Variants in EPSTI1 observed in about 807,000 individuals in gnomAD.
EPSTI1 encodes epithelial stromal interaction 1.
Under a neutral mutation model 49.9 loss-of-function variants are expected in EPSTI1, and 66 were observed. The ratio of observed to expected loss-of-function variants is 1.32; its 90% CI spans 1.08 to 1.62. EPSTI1 has a LOEUF of 1.62. EPSTI1 is among the 40% of genes most tolerant of loss of function. The pLI, the probability that EPSTI1 is intolerant of heterozygous loss-of-function variation, is 0.00. For missense variants in EPSTI1, 394 were observed against 365.5 expected, an observed-to-expected ratio of 1.08 and a Z score of -0.64; for synonymous variants, 137 against 130.7, an observed-to-expected ratio of 1.05 and a Z score of -0.33.
chr13:42,966,740 G>GT (rs1566167001), intron 3 of EPSTI1, among the ~76,000 whole-genome samples: 2 of 90,092 alleles, frequency 2.2e-5, no homozygotes, highest in African/African-American at 3.4e-5. Flanking sequence ...GGGAGGTGAG[G>GT]GGCGCCTCCG....
At position 42,917,562 on chromosome 13, in the gene EPSTI1, C is replaced by A. The variant is rs1471725386; in HGVS notation, c.720G>T (p.Met240Ile). The change falls in exon 8 of 11, where the codon ATG becomes ATT. Residue 240 changes from methionine (M) to isoleucine (I), a missense_variant. Coordinates refer to ENST00000313624, the MANE Select transcript of EPSTI1 (RefSeq NM_033255.5). ...GTACCTTTTGATGTTGTTCATCCTT[C>A]ATCTTTTGCAATTTTCTGTTTTCTT... ...KAEENRKLQKMKDEQHQKSEL... is the reference protein window; with the variant it reads ...KAEENRKLQKIKDEQHQKSEL... The A allele has an allele frequency of 6.6e-7, 1 of 1,525,648 alleles. No individual in the cohort carries two copies. Among genetic ancestry groups the A allele is most frequent in the African/African-American group, 1.4e-5 (1 of 71,832 alleles). The allele number at this position is 1,525,648 out of a possible 1,614,324, so 94.5% of individuals were successfully genotyped here. A position where few individuals can be genotyped will look rare whatever the true frequency, so the allele number is the denominator to read the frequency against.
chr13:42,898,016 T>C (rs1328184866), intron 9 of EPSTI1, among the ~76,000 whole-genome samples: 2 of 152,180 alleles, frequency 1.3e-5, no homozygotes, highest in African/African-American at 4.8e-5. Context: ...CCCAAATCCT[T>C]TCAAGTCCTT....
intron 1 of EPSTI1, among the ~76,000 whole-genome samples, chr13:42,971,152 T>C (rs1594751453): frequency 6.6e-6 from 1 of 152,238 alleles, no homozygotes; most frequent in South Asian, 2.1e-4. Context: ...TCTAGGCCTA[T>C]GTCCACTGGT....
At chr13:42,969,220 C>T (rs1443732245) in intron 2 of EPSTI1, 43 bp from the exon 3 acceptor site, 1 of 1,589,488 alleles carries the variant, frequency 6.3e-7, no homozygotes, top group East Asian at 2.2e-5. Context: ...TATTAGACTT[C>T]TAAAAGAAAA....
At chr13:42,969,700 T>G (rs75378584) in intron 2 of EPSTI1, 15,763 of 153,944 alleles carry the variant, frequency 0.1, 1,067 homozygotes, top group East Asian at 0.24. Context: ...TCCAGACCAC[T>G]GTGCAGAGTC....
intron 8 of EPSTI1, among the ~76,000 whole-genome samples, chr13:42,907,143 A>T (rs1333310082): frequency 6.6e-6 from 1 of 152,208 alleles, no homozygotes. Context: ...ATTTTAACAG[A>T]GAGAGAAATA....
At chr13:42,958,272 A>G (rs1006855391) in intron 5 of EPSTI1, among the ~76,000 whole-genome samples, 6 of 152,178 alleles carry the variant, frequency 3.9e-5, no homozygotes, top group Non-Finnish European at 8.8e-5. Context: ...TCTTTGGTTC[A>G]GGTGATTGTC....
intron 6 of EPSTI1, among the ~76,000 whole-genome samples, chr13:42,931,491 C>T (rs994217870): frequency 3.9e-5 from 6 of 152,200 alleles, no homozygotes; most frequent in Non-Finnish European, 8.8e-5. Context: ...AGGCGTGAGC[C>T]ACCGCGCCCG....
Position 42,968,954 on chromosome 13 carries a change from A to ACACACAC in EPSTI1, c.331+139_331+140insGTGTGTG, listed in dbSNP as rs5803160. 2.2e-3 allele frequency: 1,196 copies of ACACACAC among 540,280 alleles called. 83 individuals are homozygous for ACACACAC. Among genetic ancestry groups the ACACACAC allele is most frequent in the African/African-American group, 0.011 (514 of 46,030 alleles). The allele number at this position is 540,280 out of a possible 1,614,324, so 33.5% of individuals were successfully genotyped here. On this transcript the variant is annotated intron_variant, in intron 3 of 10. Transcript: ENST00000313624. ...CACACACACACACACACACACACACAATTAAATGCATTCCACCCAAGCAGC... is the reference window on the plus strand; with the variant it reads ...CACACACACACACACACACACACACACACACACATTAAATGCATTCCACCCAAGCAGC...
At chr13:42,907,313 T>C (rs910646263) in intron 8 of EPSTI1, among the ~76,000 whole-genome samples, 4 of 152,236 alleles carry the variant, frequency 2.6e-5, no homozygotes, top group Non-Finnish European at 4.4e-5. Context: ...ATTTCTATTA[T>C]GTTATTAAAA....
chr13:42,908,033 T>C (rs145052150), intron 8 of EPSTI1, among the ~76,000 whole-genome samples: 1 of 152,332 alleles, frequency 6.6e-6, no homozygotes, highest in East Asian at 1.9e-4. Flanking sequence ...GAAAACTGAA[T>C]ATCCACATGC....
intron 8 of EPSTI1, among the ~76,000 whole-genome samples, chr13:42,911,785 C>A (rs982147088): frequency 2.0e-5 from 3 of 152,110 alleles, no homozygotes; most frequent in Admixed American, 2.0e-4. Context: ...ACAGCTGTTT[C>A]TTAGAGTTTT....
chr13:42,970,955 G>C (rs1180054964), intron 1 of EPSTI1, among the ~76,000 whole-genome samples: 4 of 152,186 alleles, frequency 2.6e-5, no homozygotes, highest in African/African-American at 9.7e-5. Flanking sequence ...GTTCCTCTAG[G>C]TGGTGCTTGT....
At chr13:42,897,742 C>G (rs2037235838) in intron 9 of EPSTI1, among the ~76,000 whole-genome samples, 1 of 152,152 alleles carries the variant, frequency 6.6e-6, no homozygotes, top group Admixed American at 6.5e-5. Context: ...CCTCAACTTG[C>G]CTATGTCCAC....
At chr13:42,956,135 C>T (rs371825256) in intron 5 of EPSTI1, among the ~76,000 whole-genome samples, 3 of 152,158 alleles carry the variant, frequency 2.0e-5, no homozygotes, top group East Asian at 3.8e-4. Flanking sequence ...AGAAAAAGCA[C>T]TTATATGGAT....
At chr13:42,899,161 G>A (rs1299537757) in intron 9 of EPSTI1, among the ~76,000 whole-genome samples, 1 of 149,634 alleles carries the variant, frequency 6.7e-6, no homozygotes, top group Non-Finnish European at 1.5e-5. Context: ...TCCTGCCACC[G>A]CACTCCCACC....
chr13:42,942,277 A>T (rs1417527619), intron 6 of EPSTI1, among the ~76,000 whole-genome samples: 1 of 152,194 alleles, frequency 6.6e-6, no homozygotes, highest in African/African-American at 2.4e-5. Context: ...TTATTCTAAT[A>T]AGATAATTTA....
In EPSTI1 at chr13:42,969,106, G is replaced by T; in HGVS notation, c.319C>A (p.Pro107Thr). The T allele has an allele frequency of 2.5e-6, 4 of 1,614,084 alleles. No homozygotes were observed. The highest frequency in any genetic ancestry group is 3.4e-6 in the Non-Finnish European group (4 of 1,180,030). ...QNRAKPVHLV[P>T]RRLGGSQSET... ...TGTGCTTGCTTACCTAGCCGTCTGG[G>T]CACCAGGTGAACCGGTTTAGCTCTG... The change falls in exon 3 of 11, where the codon CCC (proline) becomes ACC (threonine). Residue 107 changes from proline to threonine, a missense_variant. Pro to Thr is a conservative substitution (Grantham distance 38). Transcript: ENST00000313624.
At chr13:42,939,504 G>A (rs1348352723) in intron 6 of EPSTI1, among the ~76,000 whole-genome samples, 1 of 152,146 alleles carries the variant, frequency 6.6e-6, no homozygotes, top group African/African-American at 2.4e-5. Flanking sequence ...TTTCAGTATT[G>A]TTGTGTCTCA....
Sources: allele counts gnomAD v4.1 joint callset (sites outside exome capture counted in the v4.1 genomes callset), GRCh38; gene constraint gnomAD v4.1.1; transcripts MANE v1.5; gene names NCBI Gene and HGNC (gene_info 2026-07-23, HGNC 2026-07-21).